RBL1: variants seen among roughly 807,000 people sequenced by gnomAD.
RBL1 encodes the protein RB transcriptional corepressor like 1.
In RBL1, 82 loss-of-function variants were observed where a neutral mutation model predicts 123.0. The observed-to-expected ratio is 0.67, with a 90% CI of 0.56 to 0.80. The LOEUF is 0.80. Ranked by LOEUF, RBL1 falls within the 30% of genes least tolerant of loss-of-function variation. RBL1 has a pLI of 0.00. For missense variants in RBL1, 1,171 were observed against 1,299.6 expected (o/e 0.90, Z 1.52); for synonymous variants, 405 against 441.3 (o/e 0.92, Z 1.03).
intron 13 of RBL1, among the ~76,000 whole-genome samples, chr20:37,043,200 G>A (rs768640856): frequency 8.1e-5 from 12 of 148,620 alleles, no homozygotes; most frequent in Non-Finnish European, 1.8e-4. Flanking sequence ...AGCCGGGTGT[G>A]GCCAGGCGCG....
Position 37,020,650 on chromosome 20 carries a change from G to C in RBL1, c.2631+9C>G. ...ATTTTTGGACAGTAGGAAAAATAAT[G>C]TAACTCACGTGACTATTAGCTTGGG... On this transcript the variant is annotated intron_variant, in intron 18 of 21. Coordinates refer to ENST00000373664, the MANE Select transcript of RBL1 (RefSeq NM_002895.5). 6.5e-7 allele frequency: 1 copy of C among 1,543,506 alleles called. No individual in the cohort carries two copies.
chr20:37,007,444 T>G lies in RBL1; in HGVS notation c.2838A>C (p.Ala946=), dbSNP rs1253915276. Residue 946 remains alanine, a synonymous_variant, in exon 20 of 22, where the codon GCA becomes GCC. Transcript: ENST00000373664. ...CCTGATTCGCCAAGTCGTATTTCAG[T>G]GCAAATGACTTCACTCTTCCTACAT... ...TIYVGRVKSF[A]LKYDLANQDH... is the part of the protein sequence containing the mutation. 1.9e-6 allele frequency: 3 copies of G among 1,613,798 alleles called. No homozygotes were observed.
intron 21 of RBL1, among the ~76,000 whole-genome samples, chr20:36,999,821 T>G (rs1473873665): frequency 2.0e-5 from 3 of 152,204 alleles, no homozygotes; most frequent in African/African-American, 7.2e-5. Flanking sequence ...TGGAGTGCAG[T>G]GGCGTGATCT....
At chr20:37,084,528 C>T (rs993268184) in intron 2 of RBL1, among the ~76,000 whole-genome samples, 30 of 151,916 alleles carry the variant, frequency 2.0e-4, no homozygotes, top group African/African-American at 7.3e-4. Context: ...TGGTGAGACC[C>T]GTCTCTACAA....
At chr20:37,029,715 A>G (rs1020421953) in intron 16 of RBL1, among the ~76,000 whole-genome samples, 2 of 152,240 alleles carry the variant, frequency 1.3e-5, no homozygotes, top group African/African-American at 2.4e-5. Context: ...ATAAAAACTG[A>G]TAGAATTAAT....
intron 21 of RBL1, among the ~76,000 whole-genome samples, chr20:37,002,689 T>A (rs905602751): frequency 2.7e-5 from 4 of 150,912 alleles, no homozygotes; most frequent in African/African-American, 9.7e-5. Context: ...CCCTACAGTT[T>A]GAGATCTTCT....
intron 21 of RBL1, among the ~76,000 whole-genome samples, chr20:37,000,693 G>A (rs1185362145): frequency 1.4e-4 from 19 of 132,014 alleles, no homozygotes; most frequent in African/African-American, 5.1e-4. Flanking sequence ...CCCTCTGCCC[G>A]GCCAGCCGCC....
intron 11 of RBL1, among the ~76,000 whole-genome samples, chr20:37,054,391 A>G (rs1293096445): frequency 6.6e-6 from 1 of 152,076 alleles, no homozygotes; most frequent in Non-Finnish European, 1.5e-5. Flanking sequence ...AGGCTGAGGC[A>G]GAGAACTGCT....
At chr20:37,080,379 A>T (rs1016645271) in intron 2 of RBL1, among the ~76,000 whole-genome samples, 1 of 149,356 alleles carries the variant, frequency 6.7e-6, no homozygotes, top group Non-Finnish European at 1.5e-5. Context: ...CTGGTCTCTA[A>T]CTCCTGGCCT....
chr20:37,013,161 G>A (rs1477076522), intron 19 of RBL1, among the ~76,000 whole-genome samples: 25 of 152,280 alleles, frequency 1.6e-4, no homozygotes, highest in Admixed American at 1.5e-3. Flanking sequence ...GAAAGGTGGG[G>A]AAAAGATTTG....
chr20:37,085,173 C>T (rs1392398522), intron 2 of RBL1, among the ~76,000 whole-genome samples: 1 of 150,072 alleles, frequency 6.7e-6, no homozygotes, highest in Non-Finnish European at 1.5e-5. Context: ...CTCTTGTCAC[C>T]CACACTGGAA....
chr20:37,002,184 C>T (rs1230709631), intron 21 of RBL1, among the ~76,000 whole-genome samples: 2 of 151,716 alleles, frequency 1.3e-5, no homozygotes, highest in East Asian at 3.9e-4. Flanking sequence ...CACATGCCAC[C>T]ATGCCTGGCT....
At chr20:36,999,851 C>T (rs1163058276) in intron 21 of RBL1, among the ~76,000 whole-genome samples, 1 of 152,216 alleles carries the variant, frequency 6.6e-6, no homozygotes, top group East Asian at 1.9e-4. Context: ...ACAACCTCCA[C>T]TTCCCAGCTG....
intron 11 of RBL1, chr20:37,049,255 T>C (rs942467726): frequency 9.6e-6 from 5 of 521,510 alleles, no homozygotes; most frequent in African/African-American, 7.7e-5. Flanking sequence ...CATCTGCAAA[T>C]GCAGATTTTC....
intron 19 of RBL1, among the ~76,000 whole-genome samples, chr20:37,011,266 G>C (rs1321900660): frequency 6.6e-6 from 1 of 152,076 alleles, no homozygotes; most frequent in Non-Finnish European, 1.5e-5. Context: ...TTCTAATCAA[G>C]ACTGCCACTC....
chr20:37,010,760 ATGTGTGTGTG>A (rs374094594), intron 19 of RBL1, among the ~76,000 whole-genome samples: 10 of 143,000 alleles, frequency 7.0e-5, no homozygotes, highest in Non-Finnish European at 1.2e-4. Flanking sequence ...GCACATGACT[ATGTGTGTGTG>A]TGTGTGTGTG....
At chr20:37,081,348 C>A (rs1316212505) in intron 2 of RBL1, among the ~76,000 whole-genome samples, 1 of 152,010 alleles carries the variant, frequency 6.6e-6, no homozygotes, top group African/African-American at 2.4e-5. Flanking sequence ...ATAAAGTAAA[C>A]CTTGGCTGGT....
chr20:37,066,833 G>C lies in RBL1; in HGVS notation c.737C>G (p.Pro246Arg). 6.2e-7 allele frequency: 1 copy of C among 1,613,614 alleles called. No individual in the cohort carries two copies. Among genetic ancestry groups the C allele is most frequent in the South Asian group, 1.1e-5 (1 of 91,056 alleles). Residue 246 changes from proline (P) to arginine (R), a missense_variant, in exon 6 of 22, where the codon CCC (proline) becomes CGC (arginine). Coordinates refer to ENST00000373664, the MANE Select transcript of RBL1 (RefSeq NM_002895.5). ...TTCACACAGTACAGCAATGATGCAG[G>C]GTGGCTCTTCAGAAGCCGTAAAGTC... ...TADFTASEEP[P>R]CIIAVLCELH... is the part of the protein sequence containing the mutation.
chr20:37,010,376 G>T (rs1200897489), intron 19 of RBL1, among the ~76,000 whole-genome samples: 1 of 152,126 alleles, frequency 6.6e-6, no homozygotes, highest in Admixed American at 6.5e-5. Flanking sequence ...CTATGAACAA[G>T]CCCTGTATTA....
Sources: gnomAD v4.1 joint callset for allele counts (sites outside exome capture counted in the v4.1 genomes callset) on GRCh38, gnomAD v4.1.1 for gene constraint, MANE v1.5 for transcripts, NCBI Gene and HGNC (gene_info 2026-07-23, HGNC 2026-07-21) for gene names.